The following MRPL45 variants were observed in gnomAD, a reference collection of about 807,000 sequenced individuals.
MRPL45 encodes the protein mitochondrial ribosomal protein L45, also known as large ribosomal subunit protein mL45.
MRPL45 carries 20 observed loss-of-function variants against 38.1 expected under a neutral mutation model. The observed-to-expected ratio is 0.53, with a 90% CI of 0.37 to 0.76. The LOEUF (loss-of-function observed/expected upper bound fraction) is 0.76, where lower values mean the gene tolerates loss of function less well. MRPL45 is among the 30% of genes least tolerant of loss of function. The pLI is 0.00. For missense variants in MRPL45, 337 were observed against 395.6 expected (o/e 0.85, Z 1.26); for synonymous variants, 105 against 128.8 (o/e 0.82, Z 1.25).
At chr17:38,312,312 C>T (rs1379891566) in intron 4 of MRPL45, among the ~76,000 whole-genome samples, 1 of 152,112 alleles carries the variant, frequency 6.6e-6, no homozygotes, top group East Asian at 1.9e-4. Context: ...TCCGTAAGTG[C>T]GGGGATTACA....
intron 4 of MRPL45, among the ~76,000 whole-genome samples, chr17:38,318,365 G>A (rs2037195491): frequency 6.6e-6 from 1 of 151,864 alleles, no homozygotes; most frequent in African/African-American, 2.4e-5. Flanking sequence ...ATGTCCCAGT[G>A]AGGGTACCCA....
chr17:38,306,758 G>C (rs1350390956), intron 4 of MRPL45, 127 bp downstream of exon 4: 9 of 900,550 alleles, frequency 1.0e-5, no homozygotes, highest in African/African-American at 1.7e-5. Context: ...AAGAGATCTA[G>C]AGTGAGAGAA....
intron 4 of MRPL45, among the ~76,000 whole-genome samples, chr17:38,312,038 T>A (rs1440623498): frequency 1.3e-5 from 2 of 151,708 alleles, no homozygotes; most frequent in Non-Finnish European, 2.9e-5. Flanking sequence ...ATTTTATTTT[T>A]ATTTTTTTAT....
rs1259568460 is a variant in MRPL45 at position 38,322,309 on chromosome 17, CT to C, written c.834+12del. 1 of 1,612,998 alleles carries C rather than the reference CT, an allele frequency of 6.2e-7. No individual in the cohort carries two copies. Among genetic ancestry groups the C allele is most frequent in the Non-Finnish European group, 8.5e-7 (1 of 1,179,724 alleles). On this transcript the variant is annotated intron_variant, in intron 7 of 7. Coordinates refer to ENST00000613675, the MANE Select transcript of MRPL45 (RefSeq NM_032351.6). ...GCAGCCCATCCTTAAGGTAAGGTGG[CT>C]TGCATGGTTTAAGAGAGCTGAGGCA... is the stretch of plus-strand genomic sequence containing the variant.
At chr17:38,297,500 C>A (rs989890301) in intron 1 of MRPL45, among the ~76,000 whole-genome samples, 1 of 151,956 alleles carries the variant, frequency 6.6e-6, no homozygotes, top group African/African-American at 2.4e-5. Flanking sequence ...GTCTGTCTGG[C>A]GAGGAGATAT....
chr17:38,322,360 C>A, intron 7 of MRPL45, 61 bp downstream of exon 7: 1 of 1,364,288 alleles, frequency 7.3e-7, no homozygotes, highest in Non-Finnish European at 9.8e-7. Flanking sequence ...CTAAGCCACT[C>A]TGTCGGGCTC....
At chr17:38,314,691 T>C (rs1281892017) in intron 4 of MRPL45, among the ~76,000 whole-genome samples, 1 of 152,192 alleles carries the variant, frequency 6.6e-6, no homozygotes, top group Non-Finnish European at 1.5e-5. Context: ...AGAATATTCA[T>C]TTTTCTAGCA....
intron 6 of MRPL45, 57 bp from the exon 7 acceptor site, chr17:38,322,069 A>G: frequency 6.4e-7 from 1 of 1,551,482 alleles, no homozygotes; most frequent in Non-Finnish European, 8.7e-7. Context: ...TAAAACAAAC[A>G]ACTCACACTC....
At chr17:38,308,817 C>CTG (rs2037079567) in intron 4 of MRPL45, among the ~76,000 whole-genome samples, 1 of 151,926 alleles carries the variant, frequency 6.6e-6, no homozygotes, top group Non-Finnish European at 1.5e-5. Flanking sequence ...CTCAGGTGAT[C>CTG]CGCCCTCCTC....
intron 5 of MRPL45, 115 bp from the exon 6 acceptor site, chr17:38,320,503 G>T: frequency 9.3e-7 from 1 of 1,075,558 alleles, no homozygotes; most frequent in Non-Finnish European, 1.4e-6. Flanking sequence ...AGCATGTGGT[G>T]GGAAACGTGC....
chr17:38,317,686 C>A (rs145023706), intron 4 of MRPL45, among the ~76,000 whole-genome samples: 2 of 152,148 alleles, frequency 1.3e-5, no homozygotes, highest in Non-Finnish European at 2.9e-5. Context: ...ATTCTCCTGC[C>A]TTAGCCTCCT....
At chr17:38,309,842 C>T (rs2037093137) in intron 4 of MRPL45, among the ~76,000 whole-genome samples, 1 of 151,970 alleles carries the variant, frequency 6.6e-6, no homozygotes, top group African/African-American at 2.4e-5. Flanking sequence ...GGAAAATTCT[C>T]AGTCAGAACT....
Position 38,322,585 on chromosome 17 carries a change from A to G in MRPL45, c.911A>G (p.Gln304Arg). 4 of 1,612,704 alleles carry G rather than the reference A, an allele frequency of 2.5e-6. No individual in the cohort carries two copies. Among genetic ancestry groups the G allele is most frequent in the Admixed American group, 1.7e-5 (1 of 59,882 alleles). Residue 304 changes from glutamine (Q) to arginine (R), a missense_variant, in exon 8 of 8, where the codon CAG (glutamine) becomes CGG (arginine). Coordinates refer to ENST00000613675, the MANE Select transcript of MRPL45 (RefSeq NM_032351.6). ...EEAQGEAQKPQLA is the reference protein window; with the variant it reads ...EEAQGEAQKPRLA Reference sequence around the variant, plus strand: ...GCACAAGGAGAGGCCCAGAAGCCTCAGCTAGCCTGATGACAAAAATGACTT... The same window carrying G: ...GCACAAGGAGAGGCCCAGAAGCCTCGGCTAGCCTGATGACAAAAATGACTT...
intron 4 of MRPL45, among the ~76,000 whole-genome samples, chr17:38,308,431 T>G (rs1234689071): frequency 2.3e-4 from 1 of 4,270 alleles, no homozygotes; most frequent in African/African-American, 3.1e-4. Flanking sequence ...CAAAACATTG[T>G]TTTTTTTTTT....
In MRPL45 at chr17:38,297,194, C is replaced by G. The variant is rs750029992; in HGVS notation, c.11C>G (p.Pro4Arg). 10 of 1,614,254 alleles carry G rather than the reference C, an allele frequency of 6.2e-6. No homozygotes were observed. The Admixed American group carries it at 1.3e-4, about 22-fold the overall frequency. ...CTTTGCGGGAACAAGATGGCAGCCC[C>G]CATACCTCAAGGGTTCTCTTGTTTA... is the stretch of plus-strand genomic sequence containing the variant. MAAPIPQGFSCLSR... is the reference protein window; with the variant it reads MAARIPQGFSCLSR... Residue 4 changes from proline (P) to arginine (R), a missense_variant, in exon 1 of 8, where the codon CCC (proline) becomes CGC (arginine). Coordinates refer to ENST00000613675, the MANE Select transcript of MRPL45 (RefSeq NM_032351.6).
At chr17:38,305,064 C>T (rs1796126603) in intron 3 of MRPL45, among the ~76,000 whole-genome samples, 1 of 151,028 alleles carries the variant, frequency 6.6e-6, no homozygotes, top group South Asian at 2.1e-4. Flanking sequence ...CCAGGATGAT[C>T]TCGAGCTCCT....
At chr17:38,302,316 A>G (rs561446393) in intron 3 of MRPL45, among the ~76,000 whole-genome samples, 2 of 151,258 alleles carry the variant, frequency 1.3e-5, no homozygotes, top group South Asian at 2.1e-4. Context: ...GTGAGATCCC[A>G]TCTCTACTAA....
Position 38,299,407 on chromosome 17 carries a change from T to C in MRPL45, c.301T>C (p.Ser101Pro). 3 of 1,613,074 alleles carry C rather than the reference T, an allele frequency of 1.9e-6. No homozygotes were observed. The highest frequency in any genetic ancestry group is 2.5e-6 in the Non-Finnish European group (3 of 1,179,866). ...PEGDARISSL[S>P]KEGLIERTER... ...GGGTGATGCACGCATATCATCTCTT[T>C]CAAAGGAGGGACTGATAGAGAGAAC... Residue 101 changes from serine to proline, a missense_variant, in exon 3 of 8, where the codon TCA becomes CCA. Physicochemically the swap from Ser to Pro is moderately conservative, Grantham distance 74 (BLOSUM62 -1). Transcript: ENST00000613675.
rs748025896 is a variant in MRPL45, at chr17:38,322,128, T to C, written c.663T>C (p.Thr221=). Residue 221 remains threonine, a splice_region_variant and synonymous_variant, in exon 7 of 8, where the codon ACT becomes ACC. Transcript: ENST00000613675. ...CAGATTTGCTTTTATCCTTGCAGAC[T>C]CTGGCCATCTATGACCGGTTTGGCC... The part of the protein sequence containing the change: ...QITVRMHTRQ[T]LAIYDRFGRL... 9 of 1,613,550 alleles carry C rather than the reference T, an allele frequency of 5.6e-6. 1 individual carries two copies. Among genetic ancestry groups the C allele is most frequent in the South Asian group, 4.4e-5 (4 of 91,074 alleles).
Sources: gnomAD v4.1 joint callset for allele counts (sites outside exome capture counted in the v4.1 genomes callset) on GRCh38, gnomAD v4.1.1 for gene constraint, MANE v1.5 for transcripts, NCBI Gene and HGNC (gene_info 2026-07-23, HGNC 2026-07-21) for gene names.